The following HERC2 variants were observed in gnomAD, a reference collection of about 807,000 sequenced individuals.
HERC2 encodes the protein E3 ubiquitin-protein ligase HERC2.
HERC2 carries 102 observed loss-of-function variants against 537.7 expected under a neutral mutation model. The ratio of observed to expected loss-of-function variants is 0.19; its 90% CI spans 0.16 to 0.22. HERC2 has a LOEUF of 0.22. Among genes scored for constraint, HERC2 ranks in the 10% least tolerant of loss-of-function variants. The probability of loss-of-function intolerance (pLI) is 1.00; values close to 1 mark genes in which losing one functional copy is unlikely to be tolerated. For missense variants in HERC2, 4,236 were observed against 6,198.2 expected (o/e 0.68, Z 10.63); for synonymous variants, 2,224 against 2,466.2 (o/e 0.90, Z 2.91).
intron 14 of HERC2, among the ~76,000 whole-genome samples, chr15:28,263,963 G>A (rs1428458543): frequency 4.1e-5 from 6 of 145,786 alleles, no homozygotes; most frequent in African/African-American, 7.6e-5. Context: ...AGTTTGCGGC[G>A]AGCCGAGATT....
At chr15:28,222,512 A>C (rs1231938960) in intron 35 of HERC2, among the ~76,000 whole-genome samples, 2 of 152,266 alleles carry the variant, frequency 1.3e-5, no homozygotes, top group East Asian at 3.8e-4. Context: ...ACTAAGTTAG[A>C]AAGATATTCA....
chr15:28,300,350 AAAGT>A (rs2076587102), intron 2 of HERC2, among the ~76,000 whole-genome samples: 1 of 149,680 alleles, frequency 6.7e-6, no homozygotes, highest in African/African-American at 2.6e-5. Context: ...TATACAAAGA[AAAGT>A]ATGTCAAGGG....
Position 28,146,298 on chromosome 15 carries a change from C to G in HERC2, c.10947G>C (p.Glu3649Asp). The G allele has an allele frequency of 6.2e-7, 1 of 1,614,104 alleles. No homozygotes were observed. The highest frequency in any genetic ancestry group is 8.5e-7 in the Non-Finnish European group (1 of 1,180,012). Reference protein sequence around the residue: ...RVEFDRQCSTERRHDPLTVMD... With the variant: ...RVEFDRQCSTDRRHDPLTVMD... The stretch of plus-strand genomic sequence containing the variant: ...TGACTGTGAGAGGGTCGTGGCGCCT[C>G]TCTGTGGAGCACTGCCGGTCAAATT... The change falls in exon 71 of 93, where the codon GAG becomes GAC. Residue 3649 changes from glutamate (E) to aspartate (D), a missense_variant. By Grantham distance (45) the Glu-to-Asp change is conservative. Around this residue, in one of 27 missense-constraint regions of HERC2, gnomAD observed 356 missense variants for 450.9 expected, o/e 0.79. Transcript: ENST00000261609.
At chr15:28,208,647 C>A (rs1368122152) in intron 44 of HERC2, among the ~76,000 whole-genome samples, 2 of 152,164 alleles carry the variant, frequency 1.3e-5, no homozygotes, top group African/African-American at 2.4e-5. Flanking sequence ...CACTCATCGA[C>A]AAACCCTGAG....
chr15:28,232,185 G>A (rs1023426099), intron 30 of HERC2, among the ~76,000 whole-genome samples: 1 of 152,150 alleles, frequency 6.6e-6, no homozygotes. Flanking sequence ...AATGCCCATC[G>A]GAAACTCAGT....
chr15:28,181,305 T>C (rs1895795507), intron 57 of HERC2, among the ~76,000 whole-genome samples: 1 of 152,164 alleles, frequency 6.6e-6, no homozygotes, highest in Non-Finnish European at 1.5e-5. Context: ...CTCCCACCAA[T>C]GGCCTGCACC....
At chr15:28,320,273 C>T (rs539137204) in intron 2 of HERC2, 16 of 152,310 alleles carry the variant, frequency 1.1e-4, no homozygotes, top group South Asian at 2.1e-4. Context: ...CACCACCACG[C>T]CTGGCTAATT....
At chr15:28,173,543 A>G (rs952851512) in intron 65 of HERC2, among the ~76,000 whole-genome samples, 5 of 152,140 alleles carry the variant, frequency 3.3e-5, no homozygotes, top group South Asian at 2.1e-4. Context: ...TCCTGCCCAT[A>G]ATCCCAGCAC....
chr15:28,303,829 T>C (rs575191353), intron 2 of HERC2, among the ~76,000 whole-genome samples: 3 of 152,206 alleles, frequency 2.0e-5, no homozygotes, highest in Non-Finnish European at 4.4e-5. Flanking sequence ...AATGGAATTA[T>C]TTTTCTTGAT....
chr15:28,135,130 C>T (rs1044131871), intron 79 of HERC2, among the ~76,000 whole-genome samples: 9 of 152,102 alleles, frequency 5.9e-5, no homozygotes, highest in African/African-American at 2.2e-4. Context: ...CTTCCTCACC[C>T]CTGCTATTTC....
chr15:28,213,641 A>G, intron 42 of HERC2, 101 bp downstream of exon 42: 1 of 1,573,862 alleles, frequency 6.4e-7, no homozygotes, highest in Non-Finnish European at 8.6e-7. Flanking sequence ...GCAAACTTCA[A>G]GTACCAGAAT....
rs1341830608 is a variant in HERC2 at position 28,177,606 on chromosome 15, T to C, written c.9164-97A>G. ...ATTTTGCCTGGCATATAGCACACACTCAATGAGCGTGAGCTGAATAAATGA... is the reference window on the plus strand; with the variant it reads ...ATTTTGCCTGGCATATAGCACACACCCAATGAGCGTGAGCTGAATAAATGA... On this transcript the variant is annotated intron_variant, in intron 59 of 92. Transcript: ENST00000261609. The surrounding 1 kb of genome is among the most constrained non-coding windows in gnomAD (Gnocchi z 5.0). 20 of 990,908 alleles carry C rather than the reference T, an allele frequency of 2.0e-5. No homozygotes were observed. Among genetic ancestry groups the C allele is most frequent in the Non-Finnish European group, 3.2e-5 (20 of 621,610 alleles). 61.4% of individuals were successfully genotyped at this position (990,908 alleles called of 1,614,324 possible). A position where few individuals can be genotyped will look rare whatever the true frequency, so the allele number is the denominator to read the frequency against.
At position 28,132,781 on chromosome 15, in the gene HERC2, C is replaced by G. The variant is rs1264492491; in HGVS notation, c.12280G>C (p.Val4094Leu). The G allele has an allele frequency of 1.2e-6, 2 of 1,605,280 alleles. No individual in the cohort carries two copies. Among genetic ancestry groups the G allele is most frequent in the Admixed American group, 1.7e-5 (1 of 58,802 alleles). ...TGGGCTCCGCCAGCAGCAACATCGA[C>G]CACTTCAATTCCTCTCAGAGACTCG... ...VIESLRGIEV[V>L]DVAAGGAHSA... is the part of the protein sequence containing the mutation. The change falls in exon 80 of 93, where the codon GTC (valine) becomes CTC (leucine). Residue 4094 changes from valine (V) to leucine (L), a missense_variant. Val to Leu is a conservative substitution (Grantham distance 32). This residue lies in a region of HERC2 where 94 missense variants were observed against 137.4 expected (regional missense o/e 0.68). Coordinates refer to ENST00000261609, the MANE Select transcript of HERC2 (RefSeq NM_004667.6).
intron 64 of HERC2, 112 bp downstream of exon 64, chr15:28,175,395 TAAGAC>T: frequency 9.9e-7 from 1 of 1,005,812 alleles, no homozygotes; most frequent in Non-Finnish European, 1.5e-6. Flanking sequence ...CTCCAAGCAG[TAAGAC>T]TCAGCTGATT....
chr15:28,131,988 A>G (rs1375587368), intron 81 of HERC2, 112 bp downstream of exon 81: 3 of 882,464 alleles, frequency 3.4e-6, no homozygotes, highest in Non-Finnish European at 3.4e-6. Context: ...CCTAAGGAGC[A>G]CACACGGGGG....
At chr15:28,210,191 T>A (rs1033664624) in intron 44 of HERC2, among the ~76,000 whole-genome samples, 12 of 152,170 alleles carry the variant, frequency 7.9e-5, no homozygotes, top group Admixed American at 1.3e-4. Context: ...TGGAGTGCAG[T>A]GGCGCCATCT....
intron 79 of HERC2, among the ~76,000 whole-genome samples, chr15:28,133,418 T>C (rs1466371025): frequency 1.3e-5 from 2 of 152,218 alleles, no homozygotes; most frequent in East Asian, 1.9e-4. Context: ...AATCTCTTCA[T>C]AGTGTCTTTT....
At chr15:28,279,391 T>A (rs2075962856) in intron 5 of HERC2, among the ~76,000 whole-genome samples, 1 of 152,170 alleles carries the variant, frequency 6.6e-6, no homozygotes. Context: ...ATCTATCTCC[T>A]ACCCAGCAGC....
chr15:28,149,636 C>T (rs1892189956), intron 70 of HERC2, among the ~76,000 whole-genome samples: 1 of 151,524 alleles, frequency 6.6e-6, no homozygotes, highest in Non-Finnish European at 1.5e-5. Flanking sequence ...GCTGCACGAA[C>T]GTACATTCTA....
Sources: gnomAD v4.1 joint callset for allele counts (sites outside exome capture counted in the v4.1 genomes callset) on GRCh38, gnomAD v4.1.1 for gene constraint, gnomAD v4.1.1 regional missense constraint, Gnocchi (gnomAD v3.1) non-coding constraint, MANE v1.5 for transcripts, NCBI Gene and HGNC (gene_info 2026-07-23, HGNC 2026-07-21) for gene names.